Variants in RPL10A observed in about 807,000 individuals in gnomAD.
RPL10A encodes the protein large ribosomal subunit protein uL1.
Under a neutral mutation model 24.6 loss-of-function variants are expected in RPL10A, and 11 were observed. The observed-to-expected ratio is 0.45, with a 90% CI of 0.28 to 0.74. The LOEUF (loss-of-function observed/expected upper bound fraction) is 0.74, where lower values mean the gene tolerates loss of function less well. Among genes scored for constraint, RPL10A ranks in the 30% least tolerant of loss-of-function variants. RPL10A has a pLI of 0.13. For missense variants in RPL10A, 136 were observed against 273.1 expected (o/e 0.50, Z 3.54); for synonymous variants, 98 against 108.5 (o/e 0.90, Z 0.60).
chr6:35,468,766 G>A, intron 1 of RPL10A, 33 bp from the exon 2 acceptor site: 1 of 1,562,242 alleles, frequency 6.4e-7, no homozygotes. Context: ...TGGACTCCGC[G>A]GCCCTGAGCG....
chr6:35,470,370 T>C lies in RPL10A; in HGVS notation c.483+19T>C, dbSNP rs1768006084. On this transcript the variant is annotated intron_variant, in intron 5 of 5. Coordinates refer to ENST00000322203, the MANE Select transcript of RPL10A (RefSeq NM_007104.5). This position sits in a 1 kb window ranked among gnomAD's most constrained non-coding sequence, Gnocchi z 4.6. The stretch of plus-strand genomic sequence containing the variant: ...GAAGAAGGTGAGTGGGTCTGGCGGG[T>C]TGCTATGGGTGAAGGTGTTGGCAGG... The C allele has an allele frequency of 6.3e-7, 1 of 1,596,374 alleles. No individual in the cohort carries two copies. Among genetic ancestry groups the C allele is most frequent in the East Asian group, 2.2e-5 (1 of 44,740 alleles).
chr6:35,469,328 C>T, intron 3 of RPL10A, 53 bp from the exon 4 acceptor site: 7 of 1,533,970 alleles, frequency 4.6e-6, no homozygotes, highest in South Asian at 1.3e-5. Flanking sequence ...CTTCACCGGC[C>T]CTTGGGACCC....
chr6:35,470,614 A>C lies in RPL10A; in HGVS notation c.518A>C (p.Lys173Thr), dbSNP rs1161097139. 3.1e-6 allele frequency: 5 copies of C among 1,614,000 alleles called. No homozygotes were observed. The highest frequency in any genetic ancestry group is 4.2e-6 in the Non-Finnish European group (5 of 1,179,888). Reference protein sequence around the residue: ...LCLAVAVGHVKMTDDELVYNI... With the variant: ...LCLAVAVGHVTMTDDELVYNI... The stretch of plus-strand genomic sequence containing the variant: ...CTGGCTGTAGCTGTTGGTCACGTGA[A>C]GATGACAGACGATGAGCTTGTGTAT... The change falls in exon 6 of 6, where the codon AAG becomes ACG. Residue 173 changes from lysine (K) to threonine (T), a missense_variant. Coordinates refer to ENST00000322203, the MANE Select transcript of RPL10A (RefSeq NM_007104.5). This position sits in a 1 kb window ranked among gnomAD's most constrained non-coding sequence, Gnocchi z 4.6.
At chr6:35,468,770 C>A in intron 1 of RPL10A, 29 bp from the exon 2 acceptor site, 1 of 1,565,454 alleles carries the variant, frequency 6.4e-7, no homozygotes, top group East Asian at 2.4e-5. Context: ...CTCCGCGGCC[C>A]TGAGCGCCCT....
At position 35,470,678 on chromosome 6, in the gene RPL10A, C is replaced by T. The variant is rs755756273; in HGVS notation, c.582C>T (p.Leu194=). The T allele has an allele frequency of 7.4e-6, 12 of 1,612,124 alleles. No individual in the cohort carries two copies. The highest frequency in any genetic ancestry group is 1.6e-4 in the Middle Eastern group (1 of 6,062). The change falls in exon 6 of 6, where the codon CTC becomes CTT. Residue 194 remains leucine, a synonymous_variant. Coordinates refer to ENST00000322203, the MANE Select transcript of RPL10A (RefSeq NM_007104.5). This position sits in a 1 kb window ranked among gnomAD's most constrained non-coding sequence, Gnocchi z 4.6. ...HLAVNFLVSL[L]KKNWQNVRAL... ...CTGTCAACTTCTTGGTGTCATTGCT[C>T]AAGAAAAACTGGCAGAATGTCCGGG...
chr6:35,468,600 C>T, intron 1 of RPL10A, 161 bp downstream of exon 1: 1 of 1,551,184 alleles, frequency 6.4e-7, no homozygotes, highest in East Asian at 2.4e-5. Context: ...CTACCAGGTC[C>T]GATCACTGAG....
rs764437427 is a variant in RPL10A at position 35,470,514 on chromosome 6, G to C, written c.484-66G>C. 6.5e-7 allele frequency: 1 copy of C among 1,539,796 alleles called. No individual in the cohort carries two copies. Among genetic ancestry groups the C allele is most frequent in the East Asian group, 2.3e-5 (1 of 44,304 alleles). On this transcript the variant is annotated intron_variant, in intron 5 of 5. Coordinates refer to ENST00000322203, the MANE Select transcript of RPL10A (RefSeq NM_007104.5). This position sits in a 1 kb window ranked among gnomAD's most constrained non-coding sequence, Gnocchi z 4.6. ...GTACCTGCTCACCAGGCCACTGGGG[G>C]AGGAAGGACAGGCCATCTGCTATTC...
At chr6:35,469,935 C>T (rs890312255) in intron 4 of RPL10A, among the ~76,000 whole-genome samples, 1 of 152,084 alleles carries the variant, frequency 6.6e-6, no homozygotes, top group Admixed American at 6.6e-5. Context: ...CGTTGTACAG[C>T]GGTTATGCCA....
chr6:35,469,312 C>T (rs1432097207), intron 3 of RPL10A, 69 bp from the exon 4 acceptor site: 4 of 1,524,922 alleles, frequency 2.6e-6, no homozygotes, highest in Non-Finnish European at 3.5e-6. Context: ...GCTGCGGTCC[C>T]AGACCCTTCA....
Position 35,468,495 on chromosome 6 carries a change from C to G in RPL10A, c.5+56C>G, listed in dbSNP as rs367722944. 30 of 1,611,794 alleles carry G rather than the reference C, an allele frequency of 1.9e-5. No individual in the cohort carries two copies. In the African/African-American group the frequency reaches 3.5e-4, roughly 19 times the overall value. On this transcript the variant is annotated intron_variant, in intron 1 of 5. Transcript: ENST00000322203. ...TCATCCGCGCCTTCAGGTGCCCCGC[C>G]GAGGGTTCGGATCCTGTAGGCCGCG...
At chr6:35,468,607 T>C (rs1767917469) in intron 1 of RPL10A, 168 bp downstream of exon 1, 1 of 1,542,080 alleles carries the variant, frequency 6.5e-7, no homozygotes, top group South Asian at 1.2e-5. Context: ...GTCCGATCAC[T>C]GAGAGCCTCC....
chr6:35,468,580 G>T, intron 1 of RPL10A, 141 bp downstream of exon 1: 1 of 1,579,040 alleles, frequency 6.3e-7, no homozygotes, highest in Non-Finnish European at 8.6e-7. Context: ...CGGCCTGCGG[G>T]TCGCCCTTCC....
At chr6:35,469,909 TC>T (rs371692150) in intron 4 of RPL10A, among the ~76,000 whole-genome samples, 36 of 152,244 alleles carry the variant, frequency 2.4e-4, no homozygotes, top group African/African-American at 8.4e-4. Context: ...GCCCAGGCAG[TC>T]TTGACCAGAG....
In RPL10A at chr6:35,470,315, T is replaced by G; in HGVS notation, c.447T>G (p.Asp149Glu). Residue 149 changes from aspartate (D) to glutamate (E), a missense_variant, in exon 5 of 6, where the codon GAT becomes GAG. Transcript: ENST00000322203. This position sits in a 1 kb window ranked among gnomAD's most constrained non-coding sequence, Gnocchi z 4.6. ...THNENMVAKV[D>E]EVKSTIKFQM... is the part of the protein sequence containing the mutation. ...ACGAAAACATGGTGGCCAAAGTGGATGAGGTGAAGTCCACAATCAAGTTCC... is the reference window on the plus strand; with the variant it reads ...ACGAAAACATGGTGGCCAAAGTGGAGGAGGTGAAGTCCACAATCAAGTTCC... The G allele has an allele frequency of 6.2e-7, 1 of 1,603,678 alleles. No homozygotes were observed. Among genetic ancestry groups the G allele is most frequent in the South Asian group, 1.1e-5 (1 of 91,066 alleles).
At chr6:35,469,348 C>T (rs769580401) in intron 3 of RPL10A, 33 bp from the exon 4 acceptor site, 2 of 1,569,430 alleles carry the variant, frequency 1.3e-6, no homozygotes, top group Non-Finnish European at 1.7e-6. Flanking sequence ...CAGGGCTAGG[C>T]GTAACCTGTT....
chr6:35,469,593 T>A (rs1244719250), intron 4 of RPL10A, 64 bp downstream of exon 4: 4 of 1,530,698 alleles, frequency 2.6e-6, no homozygotes, highest in Non-Finnish European at 3.5e-6. Flanking sequence ...AAGGCTTTTC[T>A]GCCATTTTCG....
chr6:35,469,670 C>G (rs1274336556), intron 4 of RPL10A, 141 bp downstream of exon 4: 16 of 970,912 alleles, frequency 1.6e-5, no homozygotes, highest in Non-Finnish European at 2.2e-5. Flanking sequence ...TGCCTGAGTG[C>G]TGTTTTAGCT....
chr6:35,470,137 A>C lies in RPL10A; in HGVS notation c.311-42A>C, dbSNP rs1767997651. The C allele has an allele frequency of 6.3e-7, 1 of 1,584,738 alleles. No individual in the cohort carries two copies. The highest frequency in any genetic ancestry group is 8.6e-7 in the Non-Finnish European group (1 of 1,160,226). ...GCCACATTTGAGGTGTGCCTTGGTG[A>C]CCAGGTTCTAAGCAATGCCAATGGC... On this transcript the variant is annotated intron_variant, in intron 4 of 5. Coordinates refer to ENST00000322203, the MANE Select transcript of RPL10A (RefSeq NM_007104.5). This position sits in a 1 kb window ranked among gnomAD's most constrained non-coding sequence, Gnocchi z 4.6.
chr6:35,468,635 G>T, intron 1 of RPL10A, 164 bp from the exon 2 acceptor site: 2 of 1,517,104 alleles, frequency 1.3e-6, no homozygotes, highest in Non-Finnish European at 1.8e-6. Context: ...ACCGGGGCTT[G>T]GGTCTGGGTC....
Sources: gnomAD v4.1 joint callset for allele counts (sites outside exome capture counted in the v4.1 genomes callset) on GRCh38, gnomAD v4.1.1 for gene constraint, Gnocchi (gnomAD v3.1) non-coding constraint, MANE v1.5 for transcripts, NCBI Gene and HGNC (gene_info 2026-07-23, HGNC 2026-07-21) for gene names.